Variants in SHISAL2B observed in about 807,000 individuals in gnomAD.
SHISAL2B encodes shisa like 2B, also known as protein shisa-like-2B.
In SHISAL2B, 12 loss-of-function variants were observed where a neutral mutation model predicts 16.5. The ratio of observed to expected loss-of-function variants is 0.73; its 90% CI spans 0.47 to 1.18. The LOEUF (loss-of-function observed/expected upper bound fraction) is 1.18, where lower values mean the gene tolerates loss of function less well. SHISAL2B is among the 50% of genes most tolerant of loss of function. The pLI is 0.00. For missense variants in SHISAL2B, 183 were observed against 193.6 expected (o/e 0.95, Z 0.33); for synonymous variants, 72 against 75.0 (o/e 0.96, Z 0.21).
Position 64,698,077 on chromosome 5 carries a change from G to A in SHISAL2B, c.349+2413G>A, listed in dbSNP as rs981302471. On this transcript the variant is annotated intron_variant, in intron 2 of 2. Transcript: ENST00000389074. Reference sequence around the variant, plus strand: ...AGGCCCAGTTTCTCCACTGGAAGTTGATTAGTGATTATCAAATAATCAGAT... The same window carrying A: ...AGGCCCAGTTTCTCCACTGGAAGTTAATTAGTGATTATCAAATAATCAGAT... 7.9e-5 allele frequency among the ~76,000 whole-genome samples: 12 copies of A among 152,230 alleles called. 1 individual carries two copies. The highest frequency in any genetic ancestry group is 2.0e-4 in the Admixed American group (3 of 15,284).
At chr5:64,690,845 G>C in intron 1 of SHISAL2B, 31 bp downstream of exon 1, 1 of 1,474,738 alleles carries the variant, frequency 6.8e-7, no homozygotes, top group Non-Finnish European at 9.0e-7. Flanking sequence ...TGCGGCGGCT[G>C]GCCGAGCCCG....
chr5:64,718,082 C>T lies in SHISAL2B; in HGVS notation c.*60C>T. On this transcript the variant is annotated 3_prime_UTR_variant, in exon 3 of 3. Transcript: ENST00000389074. ...GATGGGACAATAAAAATAAAGCGTG[C>T]ACTTGAAACGGTTTGTAATATTGCT... The T allele has an allele frequency of 2.2e-6, 3 of 1,373,786 alleles. No individual in the cohort carries two copies. The highest frequency in any genetic ancestry group is 2.8e-6 in the Non-Finnish European group (3 of 1,054,692). 85.1% of individuals were successfully genotyped at this position (1,373,786 alleles called of 1,614,324 possible). A position where few individuals can be genotyped will look rare whatever the true frequency, so the allele number is the denominator to read the frequency against.
chr5:64,716,682 G>C (rs577452693), intron 2 of SHISAL2B, among the ~76,000 whole-genome samples: 7 of 152,268 alleles, frequency 4.6e-5, no homozygotes, highest in Non-Finnish European at 7.3e-5. Flanking sequence ...ATAGTAGACA[G>C]AGTGAATAAT....
intron 2 of SHISAL2B, among the ~76,000 whole-genome samples, chr5:64,705,041 A>G (rs1207801428): frequency 6.6e-6 from 1 of 152,198 alleles, no homozygotes; most frequent in Non-Finnish European, 1.5e-5. Flanking sequence ...TTGTTAGGGG[A>G]ATTGCTTTGG....
chr5:64,704,818 T>C (rs1190121995), intron 2 of SHISAL2B, among the ~76,000 whole-genome samples: 3 of 152,160 alleles, frequency 2.0e-5, no homozygotes, highest in African/African-American at 7.2e-5. Flanking sequence ...CTTTCTCTTT[T>C]AAAATTATCC....
rs148635920 is a variant in SHISAL2B, at chr5:64,705,532, C to A, written c.349+9868C>A. Among the ~76,000 whole-genome samples the A allele has an allele frequency of 6.8e-3, 1,031 of 152,202 alleles. 9 individuals carry two copies. Among genetic ancestry groups the A allele is most frequent in the African/African-American group, 0.024 (1,006 of 41,538 alleles). The stretch of plus-strand genomic sequence containing the variant: ...AAAATTTTAGATACTTAAATCGGTG[C>A]TTATATAAGATACAAATGTCACCCA... On this transcript the variant is annotated intron_variant, in intron 2 of 2. Transcript: ENST00000389074.
chr5:64,716,200 G>A (rs1237219029), intron 2 of SHISAL2B, among the ~76,000 whole-genome samples: 1 of 152,102 alleles, frequency 6.6e-6, no homozygotes. Flanking sequence ...TCACTAAAAG[G>A]TGTTAATGTC....
intron 2 of SHISAL2B, among the ~76,000 whole-genome samples, chr5:64,709,552 T>C (rs1446030167): frequency 4.0e-5 from 6 of 151,230 alleles, no homozygotes; most frequent in Non-Finnish European, 5.9e-5. Context: ...GGTATATACC[T>C]AGTAATGGGA....
In SHISAL2B at chr5:64,717,062, C is replaced by A. The variant is rs1427476507; in HGVS notation, c.350-827C>A. ...GGACCAGAGGTTTTTGGCCACTGGA[C>A]TGTGGATTTAGCAACATGGAGGTAA... is the stretch of plus-strand genomic sequence containing the variant. On this transcript the variant is annotated intron_variant, in intron 2 of 2. Coordinates refer to ENST00000389074, the MANE Select transcript of SHISAL2B (RefSeq NM_001164442.2). 2.0e-5 allele frequency among the ~76,000 whole-genome samples: 3 copies of A among 152,016 alleles called. No homozygotes were observed. The East Asian group carries it at 5.8e-4, about 29-fold the overall frequency.
chr5:64,699,624 T>C (rs886743304), intron 2 of SHISAL2B, among the ~76,000 whole-genome samples: 33 of 152,208 alleles, frequency 2.2e-4, no homozygotes, highest in African/African-American at 2.4e-5. Flanking sequence ...GCCATTTCCT[T>C]TCTCATGGGT....
In SHISAL2B at chr5:64,690,589, G is replaced by A; in HGVS notation, c.-35G>A. The stretch of plus-strand genomic sequence containing the variant: ...ACGGGTGCGATCCGAGAGCAGACCG[G>A]GGCCCTCGCGAGCCTCTCCCGGCCC... On this transcript the variant is annotated 5_prime_UTR_variant, in exon 1 of 3. Transcript: ENST00000389074. The A allele has an allele frequency of 7.0e-7, 1 of 1,438,652 alleles. No individual in the cohort carries two copies. The highest frequency in any genetic ancestry group is 2.4e-5 in the Admixed American group (1 of 42,270). The allele number at this position is 1,438,652 out of a possible 1,614,324, so 89.1% of individuals were successfully genotyped here.
At chr5:64,702,759 T>C (rs1185274197) in intron 2 of SHISAL2B, among the ~76,000 whole-genome samples, 1 of 152,160 alleles carries the variant, frequency 6.6e-6, no homozygotes, top group Non-Finnish European at 1.5e-5. Flanking sequence ...TGGTATAAAA[T>C]GTGAGGTAGA....
At chr5:64,706,652 T>C (rs922527616) in intron 2 of SHISAL2B, among the ~76,000 whole-genome samples, 10 of 152,134 alleles carry the variant, frequency 6.6e-5, no homozygotes, top group Admixed American at 4.6e-4. Context: ...TTTTAGCAGG[T>C]TGTGAAGTCT....
chr5:64,693,013 C>T (rs1741674958), intron 1 of SHISAL2B, among the ~76,000 whole-genome samples: 1 of 145,350 alleles, frequency 6.9e-6, no homozygotes, highest in Non-Finnish European at 1.5e-5. Flanking sequence ...ATTTCTTCTC[C>T]TTTTTTTTTT....
At chr5:64,714,090 C>T (rs767482995) in intron 2 of SHISAL2B, among the ~76,000 whole-genome samples, 4,193 of 147,508 alleles carry the variant, frequency 0.028, 85 homozygotes, top group Admixed American at 0.06. Context: ...TGAGGAACTG[C>T]GTTCCTTTGG....
At chr5:64,706,575 C>T (rs1413764188) in intron 2 of SHISAL2B, among the ~76,000 whole-genome samples, 1 of 152,152 alleles carries the variant, frequency 6.6e-6, no homozygotes, top group East Asian at 1.9e-4. Flanking sequence ...CAGGTTTTGT[C>T]TGATCTCTCA....
At chr5:64,702,948 A>C (rs983567724) in intron 2 of SHISAL2B, among the ~76,000 whole-genome samples, 1 of 152,190 alleles carries the variant, frequency 6.6e-6, no homozygotes, top group African/African-American at 2.4e-5. Flanking sequence ...TTAAGCTAAT[A>C]ATATACTTTA....
intron 2 of SHISAL2B, among the ~76,000 whole-genome samples, chr5:64,708,734 A>G (rs1046184314): frequency 6.6e-6 from 1 of 152,118 alleles, no homozygotes; most frequent in African/African-American, 2.4e-5. Context: ...TTTATTTTAA[A>G]TATCTTTGCT....
Position 64,690,810 on chromosome 5 carries a change from C to T in SHISAL2B, c.187C>T (p.Leu63Phe), listed in dbSNP as rs559454540. ...CTACAAGCACAGCTACATGTGGAGC[C>T]TCAGGTGGGCTGAGAGCCCGCGCGT... Reference protein sequence around the residue: ...FPYKHSYMWSLSIGALIGLGI... With the variant: ...FPYKHSYMWSFSIGALIGLGI... Residue 63 changes from leucine to phenylalanine, a missense_variant, in exon 1 of 3, where the codon CTC (leucine) becomes TTC (phenylalanine). Transcript: ENST00000389074. The T allele has an allele frequency of 6.6e-7, 1 of 1,518,782 alleles. No homozygotes were observed. The highest frequency in any genetic ancestry group is 1.2e-5 in the South Asian group (1 of 81,156). The allele number at this position is 1,518,782 out of a possible 1,614,324, so 94.1% of individuals were successfully genotyped here.
Sources: gnomAD v4.1 joint callset for allele counts (sites outside exome capture counted in the v4.1 genomes callset) on GRCh38, gnomAD v4.1.1 for gene constraint, MANE v1.5 for transcripts, NCBI Gene and HGNC (gene_info 2026-07-23, HGNC 2026-07-21) for gene names.